The following UTP25 variants were observed in gnomAD, a reference collection of about 807,000 sequenced individuals.
The protein encoded by UTP25 is U3 small nucleolar RNA-associated protein 25 homolog.
A neutral mutation model predicts 78.9 loss-of-function variants in UTP25; 50 were observed. That is an observed-to-expected ratio of 0.63 (90% CI 0.50 to 0.80). UTP25 has a LOEUF of 0.80. UTP25 is among the 30% of genes least tolerant of loss of function. UTP25 has a pLI of 0.00. For synonymous variants in UTP25, 329 were observed against 336.5 expected (o/e 0.98, Z 0.24); for missense variants, 846 against 911.3 (o/e 0.93, Z 0.92).
intron 11 of UTP25, among the ~76,000 whole-genome samples, chr1:209,846,599 TTAACAGTGGC>T (rs2078198108): frequency 6.6e-6 from 1 of 152,216 alleles, no homozygotes; most frequent in Non-Finnish European, 1.5e-5. Context: ...TCATTTGTCT[TTAACAGTGGC>T]TCGTGAAATA....
At chr1:209,842,091 T>C (rs1474535487) in intron 8 of UTP25, among the ~76,000 whole-genome samples, 174 bp from the exon 9 acceptor site, 1 of 152,172 alleles carries the variant, frequency 6.6e-6, no homozygotes, top group Non-Finnish European at 1.5e-5. Context: ...TATCTCCTCA[T>C]TGGGGATGTT....
chr1:209,833,350 C>T lies in UTP25; in HGVS notation c.554C>T (p.Ala185Val). Residue 185 changes from alanine (A) to valine (V), a missense_variant, in exon 4 of 12, where the codon GCC (alanine) becomes GTC (valine). By Grantham distance (64) the Ala-to-Val change is moderately conservative. Coordinates refer to ENST00000491415, the MANE Select transcript of UTP25 (RefSeq NM_014388.7). The stretch of plus-strand genomic sequence containing the variant: ...AGTGGAGACAACTCTTCTTTGAAAG[C>T]CTCTCAAGGTCATAGCACAGTGTGT... ...EESGDNSSLK[A>V]SQDPFLQHVN... is the part of the protein sequence containing the mutation. 1 of 1,571,238 alleles carries T rather than the reference C, an allele frequency of 6.4e-7. No individual in the cohort carries two copies. The highest frequency in any genetic ancestry group is 8.6e-7 in the Non-Finnish European group (1 of 1,162,376).
rs1192915538 is a variant in UTP25 at position 209,833,330 on chromosome 1, A to T, written c.534A>T (p.Gly178=). Residue 178 remains glycine, a synonymous_variant, in exon 4 of 12, where the codon GGA becomes GGT. Transcript: ENST00000491415. ...CCAATTTTCTGGAAGAGGAAAGTGG[A>T]GACAACTCTTCTTTGAAAGCCTCTC... The part of the protein sequence containing the change: ...LETNFLEEES[G]DNSSLKASQD... The T allele has an allele frequency of 1.3e-6, 2 of 1,585,246 alleles. No individual in the cohort carries two copies. The highest frequency in any genetic ancestry group is 8.6e-7 in the Non-Finnish European group (1 of 1,169,178).
intron 8 of UTP25, among the ~76,000 whole-genome samples, chr1:209,841,838 AG>A (rs1423040447): frequency 6.6e-6 from 1 of 152,206 alleles, no homozygotes; most frequent in Non-Finnish European, 1.5e-5. Flanking sequence ...GGCATAGTCG[AG>A]TTATATTCTT....
chr1:209,839,628 TC>T (rs1451310512), intron 7 of UTP25, among the ~76,000 whole-genome samples: 1 of 152,212 alleles, frequency 6.6e-6, no homozygotes, highest in Non-Finnish European at 1.5e-5. Context: ...CTCATTCAGC[TC>T]CCATTGACTT....
chr1:209,828,192 CT>C (rs746520026), intron 1 of UTP25, 22 bp downstream of exon 1: 2 of 1,581,044 alleles, frequency 1.3e-6, no homozygotes, highest in Middle Eastern at 1.7e-4. Context: ...CGTGGCAGGG[CT>C]CCCCAGTCGC....
chr1:209,837,773 C>T (rs1310400983), intron 6 of UTP25, among the ~76,000 whole-genome samples: 2 of 152,174 alleles, frequency 1.3e-5, no homozygotes, highest in African/African-American at 4.8e-5. Context: ...TAAGTCTAAG[C>T]TCTAGTGGAT....
chr1:209,833,853 T>C (rs1320335854), intron 4 of UTP25, among the ~76,000 whole-genome samples: 3 of 152,112 alleles, frequency 2.0e-5, no homozygotes, highest in Admixed American at 2.0e-4. Context: ...TGTGACCAAA[T>C]GGCAGTCACG....
In UTP25 at chr1:209,843,739, G is replaced by A. The variant is rs200073366; in HGVS notation, c.2027+43G>A. 6.3e-6 allele frequency: 10 copies of A among 1,591,348 alleles called. No homozygotes were observed. The East Asian group carries it at 2.0e-4, about 32-fold the overall frequency. On this transcript the variant is annotated intron_variant, in intron 11 of 11. Coordinates refer to ENST00000491415, the MANE Select transcript of UTP25 (RefSeq NM_014388.7). ...TTCAAGCCTCCTCTCTGAAGGGGAG[G>A]TGCAGGACAAATCATGGCCTGCTCT... is the stretch of plus-strand genomic sequence containing the variant.
Position 209,830,721 on chromosome 1 carries a change from T to C in UTP25, c.148-82T>C, listed in dbSNP as rs184603903. On this transcript the variant is annotated intron_variant, in intron 2 of 11. Coordinates refer to ENST00000491415, the MANE Select transcript of UTP25 (RefSeq NM_014388.7). ...AAATTTGAATTTGGGCTTCGTTGAA[T>C]AGATGTTGGCTTGATGATAGTTTTA... 178 of 1,513,772 alleles carry C rather than the reference T, an allele frequency of 1.2e-4. 1 individual carries two copies. Among genetic ancestry groups the C allele is most frequent in the Non-Finnish European group, 1.5e-4 (168 of 1,132,162 alleles). The allele number at this position is 1,513,772 out of a possible 1,614,324, so 93.8% of individuals were successfully genotyped here.
rs965272391 is a variant in UTP25, at chr1:209,857,056, T to G, written c.*5609T>G. ...CGATAGAAACTTACAGGTCTTGTGA[T>G]CTAATCTGCCACTTGATCCGTGAAT... On this transcript the variant is annotated 3_prime_UTR_variant, in exon 12 of 12. Coordinates refer to ENST00000491415, the MANE Select transcript of UTP25 (RefSeq NM_014388.7). The G allele has an allele frequency of 6.6e-6, 1 of 152,166 alleles. No individual in the cohort carries two copies. Among genetic ancestry groups the G allele is most frequent in the Admixed American group, 6.5e-5 (1 of 15,284 alleles). 9.4% of individuals were successfully genotyped at this position (152,166 alleles called of 1,614,324 possible). A position where few individuals can be genotyped will look rare whatever the true frequency, so the allele number is the denominator to read the frequency against.
In UTP25 at chr1:209,855,856, G is replaced by A. The variant is rs2078271756; in HGVS notation, c.*4409G>A. On this transcript the variant is annotated 3_prime_UTR_variant, in exon 12 of 12. Transcript: ENST00000491415. ...TTCTCCCAGCTGAGCCAAGGCCAAA[G>A]CTGTCTACCTTTTGCCAACCTAAGG... 6.6e-6 allele frequency: 1 copy of A among 152,308 alleles called. No individual in the cohort carries two copies. The highest frequency in any genetic ancestry group is 2.4e-5 in the African/African-American group (1 of 41,444). The allele number at this position is 152,308 out of a possible 1,614,324, so 9.4% of individuals were successfully genotyped here. A position where few individuals can be genotyped will look rare whatever the true frequency, so the allele number is the denominator to read the frequency against.
At chr1:209,851,061 C>A in intron 11 of UTP25, 143 bp from the exon 12 acceptor site, 2 of 852,756 alleles carry the variant, frequency 2.3e-6, no homozygotes, top group South Asian at 2.2e-5. Context: ...GTTAGAATAA[C>A]TTTTGTTCTG....
At chr1:209,843,849 A>C (rs1435658912) in intron 11 of UTP25, 153 bp downstream of exon 11, 2 of 1,061,302 alleles carry the variant, frequency 1.9e-6, no homozygotes, top group South Asian at 3.3e-5. Flanking sequence ...TGGTTTGGAC[A>C]GACTCTTCTT....
At chr1:209,837,413 T>C (rs1478455857) in intron 6 of UTP25, among the ~76,000 whole-genome samples, 7 of 152,226 alleles carry the variant, frequency 4.6e-5, no homozygotes, top group Non-Finnish European at 1.0e-4. Context: ...ACAGTGGATG[T>C]AGCTGGAAAC....
At chr1:209,845,819 T>A (rs2078193763) in intron 11 of UTP25, among the ~76,000 whole-genome samples, 1 of 151,524 alleles carries the variant, frequency 6.6e-6, no homozygotes, top group Admixed American at 6.6e-5. Flanking sequence ...TTTTTTTTTT[T>A]AATTTGACCT....
intron 3 of UTP25, among the ~76,000 whole-genome samples, chr1:209,831,817 G>T (rs1379222427): frequency 6.6e-6 from 1 of 152,242 alleles, no homozygotes; most frequent in East Asian, 1.9e-4. Flanking sequence ...GAATCATACA[G>T]TATGACTCCT....
chr1:209,833,242 C>T lies in UTP25; in HGVS notation c.446C>T (p.Thr149Ile). 6 of 1,613,984 alleles carry T rather than the reference C, an allele frequency of 3.7e-6. No homozygotes were observed. Among genetic ancestry groups the T allele is most frequent in the African/African-American group, 1.3e-5 (1 of 75,032 alleles). The change falls in exon 4 of 12, where the codon ACA becomes ATA. Residue 149 changes from threonine (T) to isoleucine (I), a missense_variant. Coordinates refer to ENST00000491415, the MANE Select transcript of UTP25 (RefSeq NM_014388.7). ...GKEDGEEPPGTSQTSPEEFTD... is the reference protein window; with the variant it reads ...GKEDGEEPPGISQTSPEEFTD... ...GAAGATGGGGAAGAGCCACCGGGCA[C>T]ATCACAAACATCCCCCGAAGAGTTC...
chr1:209,847,951 T>A (rs974108118), intron 11 of UTP25, among the ~76,000 whole-genome samples: 1 of 152,246 alleles, frequency 6.6e-6, no homozygotes, highest in Non-Finnish European at 1.5e-5. Context: ...TTTCATGACA[T>A]CGACATCTTT....
Sources: gnomAD v4.1 joint callset for allele counts (sites outside exome capture counted in the v4.1 genomes callset) on GRCh38, gnomAD v4.1.1 for gene constraint, MANE v1.5 for transcripts, NCBI Gene and HGNC (gene_info 2026-07-23, HGNC 2026-07-21) for gene names.